The following PCDH15 variants were observed in gnomAD, a reference collection of about 807,000 sequenced individuals.
PCDH15 encodes protocadherin-15.
A neutral mutation model predicts 178.5 loss-of-function variants in PCDH15; 129 were observed. The observed-to-expected ratio is 0.72, with a 90% confidence interval of 0.63 to 0.84. The LOEUF is 0.84. Ranked by LOEUF, PCDH15 falls within the 40% of genes least tolerant of loss-of-function variation. The pLI is 0.00. For synonymous variants in PCDH15, 800 were observed against 732.0 expected, an observed-to-expected ratio of 1.09 and a Z score of -1.50; for missense variants, 2,230 against 2,099.9, an observed-to-expected ratio of 1.06 and a Z score of -1.21.
rs543982615 is a variant in PCDH15 at position 55,263,369 on chromosome 10, G to A, written c.-156+56230C>T. On this transcript the variant is annotated intron_variant, in intron 1 of 5. Transcript: ENST00000458638. ...ATGAGCATTTCGCTCAGCAGCCAAG[G>A]GTGCAAATCAGACCACCTATGCCTA... Among the ~76,000 whole-genome samples, 140 of 152,254 alleles carry A rather than the reference G, an allele frequency of 9.2e-4. 2 individuals are homozygous for A. The highest frequency in any genetic ancestry group is 1.5e-5 in the Non-Finnish European group (1 of 68,010).
At chr10:54,509,074 T>G (rs1275739863) in intron 3 of PCDH15, among the ~76,000 whole-genome samples, 1 of 152,126 alleles carries the variant, frequency 6.6e-6, no homozygotes, top group Non-Finnish European at 1.5e-5. Flanking sequence ...AATTTTCAGA[T>G]TTTAGAGAAT....
intron 2 of PCDH15, among the ~76,000 whole-genome samples, chr10:55,486,542 CATGA>C (rs1326725323): frequency 1.3e-5 from 2 of 151,408 alleles, no homozygotes; most frequent in Non-Finnish European, 3.0e-5. Context: ...TTTCTGGAGA[CATGA>C]ATTAGTCTTG....
intron 21 of PCDH15, among the ~76,000 whole-genome samples, chr10:53,967,331 T>G (rs190607720): frequency 1.9e-3 from 290 of 152,328 alleles, no homozygotes; most frequent in African/African-American, 6.6e-3. Flanking sequence ...CAACTAAAAC[T>G]CTTTCCTTTA....
intron 2 of PCDH15, among the ~76,000 whole-genome samples, chr10:55,390,911 G>T (rs1328302518): frequency 6.6e-6 from 1 of 152,158 alleles, no homozygotes; most frequent in South Asian, 2.1e-4. Context: ...CAGAGCACAG[G>T]TGTAGCAGAT....
chr10:53,810,829 C>T (rs150131004), intron 36 of PCDH15, among the ~76,000 whole-genome samples, 165 bp from the exon 37 acceptor site: 1 of 152,278 alleles, frequency 6.6e-6, no homozygotes, highest in African/African-American at 2.4e-5. Context: ...AGAGTAAGAA[C>T]TGCTACCTGA....
At chr10:55,452,583 T>C (rs1839460183) in intron 2 of PCDH15, among the ~76,000 whole-genome samples, 1 of 152,196 alleles carries the variant, frequency 6.6e-6, no homozygotes, top group Non-Finnish European at 1.5e-5. Flanking sequence ...TTCTTATCAA[T>C]ATATTTTGTT....
chr10:55,441,444 C>T (rs950187759), intron 2 of PCDH15, among the ~76,000 whole-genome samples: 3 of 117,960 alleles, frequency 2.5e-5, no homozygotes, highest in Admixed American at 1.8e-4. Flanking sequence ...ATTTGAAAGA[C>T]CAAAAGAAAG....
intron 2 of PCDH15, among the ~76,000 whole-genome samples, chr10:55,550,621 C>T (rs751616672): frequency 2.0e-5 from 3 of 151,984 alleles, no homozygotes; most frequent in Non-Finnish European, 4.4e-5. Flanking sequence ...TTTTAAAAGA[C>T]AAAATATTTT....
chr10:54,697,725 A>C (rs1257335431), intron 1 of PCDH15, among the ~76,000 whole-genome samples: 1 of 130,222 alleles, frequency 7.7e-6, no homozygotes, highest in South Asian at 2.6e-4. Context: ...GGGAGGAAGG[A>C]AGTAAGGAAG....
chr10:55,051,622 T>C (rs1841163953), intron 2 of PCDH15, among the ~76,000 whole-genome samples: 1 of 152,180 alleles, frequency 6.6e-6, no homozygotes, highest in African/African-American at 2.4e-5. Context: ...CTGACTTTCA[T>C]TTTAACTGGA....
chr10:55,607,155 C>G (rs1843239940), intron 2 of PCDH15, among the ~76,000 whole-genome samples: 1 of 151,336 alleles, frequency 6.6e-6, no homozygotes. Context: ...AAATGCTCAT[C>G]ATCACTGGCC....
At chr10:54,517,093 C>T (rs1424608353) in intron 3 of PCDH15, among the ~76,000 whole-genome samples, 2 of 152,116 alleles carry the variant, frequency 1.3e-5, no homozygotes, top group Admixed American at 6.6e-5. Context: ...CAGGTACCAG[C>T]CACTGCAAAA....
intron 2 of PCDH15, among the ~76,000 whole-genome samples, chr10:55,547,894 T>G (rs1417616025): frequency 9.5e-6 from 1 of 104,900 alleles, no homozygotes; most frequent in Non-Finnish European, 1.9e-5. Context: ...GTGGTGTGTG[T>G]GTCTGTGTGT....
At chr10:55,459,712 GA>G (rs1254967051) in intron 2 of PCDH15, among the ~76,000 whole-genome samples, 2 of 152,034 alleles carry the variant, frequency 1.3e-5, no homozygotes, top group African/African-American at 4.8e-5. Context: ...AGGACTTAAT[GA>G]CTGGCTAAGA....
chr10:55,158,062 A>G (rs11004763), intron 2 of PCDH15, among the ~76,000 whole-genome samples: 78,617 of 128,324 alleles, frequency 0.61, 22,399 homozygotes, highest in Non-Finnish European at 0.69. Flanking sequence ...TCACACAAAT[A>G]TGTGTGTATG....
intron 11 of PCDH15, among the ~76,000 whole-genome samples, chr10:54,193,558 G>C (rs2049253978): frequency 6.6e-6 from 1 of 152,094 alleles, no homozygotes; most frequent in African/African-American, 2.4e-5. Context: ...GCTCAGCCTG[G>C]ATTGAAGTTA....
intron 3 of PCDH15, among the ~76,000 whole-genome samples, chr10:54,870,002 CT>C (rs1223082981): frequency 6.6e-6 from 1 of 152,156 alleles, no homozygotes; most frequent in Non-Finnish European, 1.5e-5. Flanking sequence ...TGAAAAACAA[CT>C]TTTTAAACTG....
Position 54,880,732 on chromosome 10 carries a change from T to C in PCDH15, c.-29+16718A>G, listed in dbSNP as rs537155366. ...GATGGACCTAAATCAAAAGAAAATATATTAAATTATACATTTCCACATAAG... is the reference window on the plus strand; with the variant it reads ...GATGGACCTAAATCAAAAGAAAATACATTAAATTATACATTTCCACATAAG... On this transcript the variant is annotated intron_variant, in intron 3 of 5. Coordinates refer to the PCDH15 transcript ENST00000458638. Among the ~76,000 whole-genome samples, 7 of 150,352 alleles carry C rather than the reference T, an allele frequency of 4.7e-5. No homozygotes were observed. In the South Asian group the frequency reaches 1.1e-3, roughly 23 times the overall value.
chr10:54,368,924 T>C (rs1236435131), intron 5 of PCDH15, among the ~76,000 whole-genome samples, 196 bp downstream of exon 5: 1 of 152,108 alleles, frequency 6.6e-6, no homozygotes, highest in Non-Finnish European at 1.5e-5. Flanking sequence ...ACATTATTTT[T>C]CCCATAGTTA....
Sources: gnomAD v4.1 joint callset for allele counts (sites outside exome capture counted in the v4.1 genomes callset) on GRCh38, gnomAD v4.1.1 for gene constraint, MANE v1.5 for transcripts, NCBI Gene and HGNC (gene_info 2026-07-23, HGNC 2026-07-21) for gene names.